TRIM5: variants seen among roughly 807,000 people sequenced by gnomAD.
The protein encoded by TRIM5 is tripartite motif-containing protein 5.
TRIM5 carries 31 observed loss-of-function variants against 35.6 expected under a neutral mutation model. That is an observed-to-expected ratio of 0.87 (90% CI 0.65 to 1.18). TRIM5 has a LOEUF of 1.18. Ranked by LOEUF, TRIM5 falls within the 50% of genes most tolerant of loss-of-function variation. TRIM5 has a pLI of 0.00. For synonymous variants in TRIM5, 243 were observed against 215.6 expected (o/e 1.13, Z -1.11); for missense variants, 609 against 591.6 (o/e 1.03, Z -0.31).
the TRIM5 span, chr11:5,645,896 T>TATATATATATATAG: frequency 1.1e-4 from 17 of 156,486 alleles, no homozygotes; most frequent in African/African-American, 5.2e-4. Flanking sequence ...TATATATATA[T>TATATATATATATAG]CTATATATAG....
chr11:5,672,754 T>C (rs1851670989), intron 4 of TRIM5, among the ~76,000 whole-genome samples: 2 of 152,142 alleles, frequency 1.3e-5, no homozygotes, highest in African/African-American at 4.8e-5. Context: ...CATATATGCA[T>C]GTGAGATATA....
At chr11:5,682,991 G>A (rs1852630010) in intron 1 of TRIM5, among the ~76,000 whole-genome samples, 1 of 152,214 alleles carries the variant, frequency 6.6e-6, no homozygotes, top group African/African-American at 2.4e-5. Flanking sequence ...GCGCTTGTGG[G>A]CCAGCTGGAG....
downstream of TRIM5, among the ~76,000 whole-genome samples, chr11:5,660,544 C>T (rs539354266): frequency 1.1e-4 from 17 of 152,190 alleles, no homozygotes; most frequent in African/African-American, 3.9e-4. Flanking sequence ...AGAATATATA[C>T]CTTCATTAAT....
the TRIM5 span, chr11:5,642,619 G>T: frequency 6.3e-6 from 9 of 1,419,584 alleles, no homozygotes; most frequent in Non-Finnish European, 8.5e-6. Flanking sequence ...GGAGGTCAGA[G>T]AATAAGGAAT....
At chr11:5,649,755 T>A in the TRIM5 span, among the ~76,000 whole-genome samples, 1 of 152,306 alleles carries the variant, frequency 6.6e-6, no homozygotes, top group African/African-American at 2.4e-5. Context: ...GGAATAGTAG[T>A]GAGTGGTATC....
the TRIM5 span, among the ~76,000 whole-genome samples, chr11:5,616,204 G>A: frequency 3.4e-4 from 18 of 52,222 alleles, 1 homozygote; most frequent in East Asian, 1.0e-3. Context: ...ACCCGCCTCG[G>A]CCTCCCAAAG....
intron 1 of TRIM5, among the ~76,000 whole-genome samples, chr11:5,682,960 C>T (rs1223083144): frequency 1.3e-5 from 2 of 152,188 alleles, no homozygotes; most frequent in Non-Finnish European, 2.9e-5. Flanking sequence ...GAGGGGCGAG[C>T]GGGAACCGGG....
the TRIM5 span, among the ~76,000 whole-genome samples, chr11:5,648,358 T>C: frequency 6.6e-6 from 1 of 151,590 alleles, no homozygotes; most frequent in African/African-American, 2.4e-5. Context: ...TACAAAAAAT[T>C]AGCCGGGCGT....
At chr11:5,611,325 C>T in the TRIM5 span, 2,752 of 1,613,216 alleles carry the variant, frequency 1.7e-3, 4 homozygotes, top group Non-Finnish European at 2.1e-3. Context: ...TATGACCCTG[C>T]GTCGTCCAAG....
At chr11:5,636,058 C>G in the TRIM5 span, among the ~76,000 whole-genome samples, 1 of 152,160 alleles carries the variant, frequency 6.6e-6, no homozygotes, top group Non-Finnish European at 1.5e-5. Flanking sequence ...GAACTGAATA[C>G]ATATATTTGT....
chr11:5,589,949 G>C, the TRIM5 span: 1 of 154,534 alleles, frequency 6.5e-6, no homozygotes, highest in Non-Finnish European at 1.4e-5. Context: ...GGTGGGCGTG[G>C]GCTTGGCGGG....
the TRIM5 span, chr11:5,644,315 G>T: frequency 1.0e-5 from 4 of 398,452 alleles, no homozygotes; most frequent in Non-Finnish European, 1.8e-5. Flanking sequence ...TAAGATCACT[G>T]TGTAAAACTA....
rs373051530 is a variant in TRIM5 at position 5,679,836 on chromosome 11, G to A, written c.342C>T (p.Cys114=). 7 of 1,613,406 alleles carry A rather than the reference G, an allele frequency of 4.3e-6. No homozygotes were observed. Among genetic ancestry groups the A allele is most frequent in the Non-Finnish European group, 5.9e-6 (7 of 1,179,936 alleles). The change falls in exon 2 of 8, where the codon TGC becomes TGT. Residue 114 remains cysteine, a synonymous_variant. Coordinates refer to ENST00000380034, the MANE Select transcript of TRIM5 (RefSeq NM_033034.3). The part of the protein sequence containing the change: ...LFCQEDGKVI[C]WLCERSQEHR... Reference sequence around the variant, plus strand: ...GCTCCTGAGACCGCTCACAAAGCCAGCAAATGACCTTCCCGTCCTCCTGAC... The same window carrying A: ...GCTCCTGAGACCGCTCACAAAGCCAACAAATGACCTTCCCGTCCTCCTGAC...
In TRIM5 at chr11:5,678,216, C is replaced by T. The variant is rs1247625907; in HGVS notation, c.732G>A (p.Met244Ile). The T allele has an allele frequency of 3.1e-6, 5 of 1,609,368 alleles. No homozygotes were observed. The highest frequency in any genetic ancestry group is 4.2e-6 in the Non-Finnish European group (5 of 1,176,656). ...TTCCACTTTTTACCTGAAGCAGCTC[C>T]ATCACTGACCCCTGCAGCCGATGCT... ...DLEHRLQGSV[M>I]ELLQGVDGVI... Residue 244 changes from methionine to isoleucine, a missense_variant, in exon 4 of 8, where the codon ATG becomes ATA. Physicochemically the swap from Met to Ile is conservative, Grantham distance 10. Transcript: ENST00000380034.
At chr11:5,632,297 G>C in the TRIM5 span, 1 of 1,613,744 alleles carries the variant, frequency 6.2e-7, no homozygotes, top group Non-Finnish European at 8.5e-7. Flanking sequence ...AGAGCCTCAG[G>C]AGTTAGGACC....
At chr11:5,675,658 ATTTCT>A (rs1286070475) in intron 4 of TRIM5, among the ~76,000 whole-genome samples, 3 of 91,986 alleles carry the variant, frequency 3.3e-5, no homozygotes, top group Non-Finnish European at 8.1e-5. Flanking sequence ...GCTTTCTTGC[ATTTCT>A]TTTTTTTTTT....
chr11:5,643,126 T>TAGATAGA, the TRIM5 span: 8 of 1,116,266 alleles, frequency 7.2e-6, 1 homozygote, highest in African/African-American at 8.9e-5. Context: ...TATATATATA[T>TAGATAGA]TTTTTTTTTT....
chr11:5,634,889 C>G, the TRIM5 span: 2 of 1,603,016 alleles, frequency 1.2e-6, no homozygotes, highest in Non-Finnish European at 1.7e-6. Flanking sequence ...ATCTGAGATT[C>G]TGGGAACACA....
At chr11:5,621,588 A>G in the TRIM5 span, among the ~76,000 whole-genome samples, 1 of 152,192 alleles carries the variant, frequency 6.6e-6, no homozygotes. Flanking sequence ...TGATTTTTCT[A>G]CCATTAATAT....
Sources: allele counts gnomAD v4.1 joint callset (sites outside exome capture counted in the v4.1 genomes callset), GRCh38; gene constraint gnomAD v4.1.1; transcripts MANE v1.5; gene names NCBI Gene and HGNC (gene_info 2026-07-23, HGNC 2026-07-21).